MICALL1: variants seen among roughly 807,000 people sequenced by gnomAD.
The protein encoded by MICALL1 is MICAL-like protein 1.
In MICALL1, 61 loss-of-function variants were observed where a neutral mutation model predicts 83.7. The observed-to-expected ratio is 0.73, with a 90% CI of 0.59 to 0.90. The LOEUF is 0.90. MICALL1 is among the 40% of genes least tolerant of loss of function. The pLI, the probability that MICALL1 is intolerant of heterozygous loss-of-function variation, is 0.00. For missense variants in MICALL1, 1,066 were observed against 1,152.0 expected (o/e 0.93, Z 1.08); for synonymous variants, 481 against 473.6 (o/e 1.02, Z -0.20).
rs1316303959 is a variant in MICALL1 at position 37,919,064 on chromosome 22, C to T, written c.455C>T (p.Ser152Leu). The T allele has an allele frequency of 6.4e-7, 1 of 1,552,190 alleles. No homozygotes were observed. Among genetic ancestry groups the T allele is most frequent in the Non-Finnish European group, 8.7e-7 (1 of 1,147,574 alleles). ...QGEELSSGSL[S>L]EQGTGQTPSS... ...GAGGAGCTCTCCTCAGGCAGCCTGT[C>T]AGAGCAGGGCACCGGCCAGACCCCC... Residue 152 changes from serine (S) to leucine (L), a missense_variant, in exon 5 of 16, where the codon TCA (serine) becomes TTA (leucine). By Grantham distance (145) the Ser-to-Leu change is moderately radical. Coordinates refer to ENST00000215957, the MANE Select transcript of MICALL1 (RefSeq NM_033386.4).
chr22:37,928,799 CTGA>C (rs1481060101), intron 9 of MICALL1, among the ~76,000 whole-genome samples: 1 of 152,188 alleles, frequency 6.6e-6, no homozygotes, highest in East Asian at 1.9e-4. Flanking sequence ...TCAGGCTCTA[CTGA>C]TGCCAGACCC....
In MICALL1 at chr22:37,912,377, G is replaced by A. The variant is rs749867805; in HGVS notation, c.222G>A (p.Leu74=). 2 of 1,613,290 alleles carry A rather than the reference G, an allele frequency of 1.2e-6. No homozygotes were observed. The highest frequency in any genetic ancestry group is 1.7e-6 in the Non-Finnish European group (2 of 1,179,382). ...CCTTTGAAGTGGCTGAGAAGGAGCT[G>A]GGGATCCCCGCTCTCCTGGACCCCA... The part of the protein sequence containing the change: ...RLAFEVAEKE[L]GIPALLDPND... Residue 74 remains leucine (L), a synonymous_variant, in exon 3 of 16, where the codon CTG becomes CTA. Coordinates refer to ENST00000215957, the MANE Select transcript of MICALL1 (RefSeq NM_033386.4).
In MICALL1 at chr22:37,922,408, A is replaced by G. The variant is rs963198040; in HGVS notation, c.1006A>G (p.Ser336Gly). The change falls in exon 6 of 16, where the codon AGC becomes GGC. Residue 336 changes from serine to glycine, a missense_variant. Ser to Gly is a moderately conservative substitution (Grantham distance 56). Coordinates refer to ENST00000215957, the MANE Select transcript of MICALL1 (RefSeq NM_033386.4). ...QQENLVEQAG[S>G]SSLVNGRLHE... The stretch of plus-strand genomic sequence containing the variant: ...GGAGAACCTGGTGGAGCAGGCTGGC[A>G]GCAGCAGCCTGGTGAACGGTGAGCA... The G allele has an allele frequency of 5.2e-6, 8 of 1,531,304 alleles. No individual in the cohort carries two copies. In the African/African-American group the frequency reaches 5.5e-5, roughly 11 times the overall value. The allele number at this position is 1,531,304 out of a possible 1,614,324, so 94.9% of individuals were successfully genotyped here.
intron 5 of MICALL1, among the ~76,000 whole-genome samples, chr22:37,920,017 G>A (rs1048057009): frequency 3.3e-5 from 5 of 151,908 alleles, no homozygotes; most frequent in African/African-American, 1.2e-4. Flanking sequence ...TTTTAAGATG[G>A]GTCTACTATG....
rs527796229 is a variant in MICALL1, at chr22:37,906,814, C to T, written c.146+246C>T. 13 of 196,922 alleles carry T rather than the reference C, an allele frequency of 6.6e-5. No homozygotes were observed. The South Asian group carries it at 2.5e-3, about 37-fold the overall frequency. 12.2% of individuals were successfully genotyped at this position (196,922 alleles called of 1,614,324 possible). On this transcript the variant is annotated intron_variant, in intron 1 of 15. Coordinates refer to ENST00000215957, the MANE Select transcript of MICALL1 (RefSeq NM_033386.4). The surrounding 1 kb of genome is among the most constrained non-coding windows in gnomAD (Gnocchi z 4.4). ...GAACTCTCCCCCGAGGCTGGTCCCT[C>T]CGCGGGGACACTGGCCCCGCCCACA...
In MICALL1 at chr22:37,926,009, C is replaced by G; in HGVS notation, c.1431C>G (p.Arg477=). 6.2e-7 allele frequency: 1 copy of G among 1,612,674 alleles called. No homozygotes were observed. Among genetic ancestry groups the G allele is most frequent in the Non-Finnish European group, 8.5e-7 (1 of 1,179,426 alleles). ...CCAGCAGCCCCAAGACAAAGAAGCGCCCTGCCCCGCGCGCACCCAGCGCGT... is the reference window on the plus strand; with the variant it reads ...CCAGCAGCCCCAAGACAAAGAAGCGGCCTGCCCCGCGCGCACCCAGCGCGT... ...TPTSSPKTKK[R]PAPRAPSASP... is the part of the protein sequence containing the mutation. Residue 477 remains arginine (R), a synonymous_variant, in exon 8 of 16, where the codon CGC becomes CGG. Transcript: ENST00000215957.
chr22:37,911,829 T>TG (rs1928340023), intron 1 of MICALL1, 123 bp from the exon 2 acceptor site: 2 of 925,420 alleles, frequency 2.2e-6, no homozygotes, highest in Admixed American at 3.5e-5. Flanking sequence ...CCAGCAACCC[T>TG]GCTGAGGTTG....
chr22:37,927,850 A>G (rs771652145), intron 9 of MICALL1, 24 bp downstream of exon 9: 4 of 1,576,500 alleles, frequency 2.5e-6, no homozygotes, highest in Non-Finnish European at 2.6e-6. Flanking sequence ...CACCCTCACT[A>G]AAAGTGACAT....
At chr22:37,918,667 T>TC (rs1928825703) in intron 4 of MICALL1, among the ~76,000 whole-genome samples, 1 of 151,706 alleles carries the variant, frequency 6.6e-6, no homozygotes, top group Admixed American at 6.6e-5. Flanking sequence ...TCAGGGGGGC[T>TC]CCCCCGCAAA....
At chr22:37,916,840 C>T (rs1928706723) in intron 3 of MICALL1, among the ~76,000 whole-genome samples, 1 of 152,110 alleles carries the variant, frequency 6.6e-6, no homozygotes, top group Non-Finnish European at 1.5e-5. Flanking sequence ...TGGAGCCACT[C>T]CTGGCACCAA....
In MICALL1 at chr22:37,911,905, C is replaced by T. The variant is rs1352823954; in HGVS notation, c.147-47C>T. On this transcript the variant is annotated intron_variant, in intron 1 of 15. Coordinates refer to ENST00000215957, the MANE Select transcript of MICALL1 (RefSeq NM_033386.4). ...TGACTCTGACCCCGCCCCTATTTCC[C>T]AGTCACCTCCCCTCTTGACCAACCC... is the stretch of plus-strand genomic sequence containing the variant. The T allele has an allele frequency of 6.9e-6, 11 of 1,601,668 alleles. No individual in the cohort carries two copies. The Admixed American group carries it at 1.2e-4, about 17-fold the overall frequency.
intron 1 of MICALL1, among the ~76,000 whole-genome samples, chr22:37,908,929 T>C (rs1210718541): frequency 6.6e-6 from 1 of 152,130 alleles, no homozygotes; most frequent in Admixed American, 6.5e-5. Context: ...AGCTGGAGGC[T>C]GTGTAGCTGA....
intron 8 of MICALL1, 148 bp from the exon 9 acceptor site, chr22:37,927,263 C>A: frequency 1.1e-6 from 1 of 937,632 alleles, no homozygotes; most frequent in Non-Finnish European, 1.5e-6. Flanking sequence ...CGGGCGTTTG[C>A]TGTTCCCTGG....
Position 37,917,727 on chromosome 22 carries a change from A to C in MICALL1, c.358A>C (p.Lys120Gln), listed in dbSNP as rs148317548. Residue 120 changes from lysine (K) to glutamine (Q), a missense_variant, in exon 4 of 16, where the codon AAG becomes CAG. Lys to Gln is a moderately conservative substitution (Grantham distance 53, BLOSUM62 1). Coordinates refer to ENST00000215957, the MANE Select transcript of MICALL1 (RefSeq NM_033386.4). Reference sequence around the variant, plus strand: ...GGCAGCTGGTGTCTCGCCACCCAGAAAGGGCCTTGCACCCTGTTCCCCGCC... The same window carrying C: ...GGCAGCTGGTGTCTCGCCACCCAGACAGGGCCTTGCACCCTGTTCCCCGCC... ...PGQAGVSPPR[K>Q]GLAPCSPPSV... The C allele has an allele frequency of 3.7e-6, 6 of 1,613,632 alleles. No individual in the cohort carries two copies. In the African/African-American group the frequency reaches 8.0e-5, roughly 22 times the overall value.
At chr22:37,919,229 G>A (rs1407108134) in intron 5 of MICALL1, 51 bp downstream of exon 5, 32 of 1,466,416 alleles carry the variant, frequency 2.2e-5, no homozygotes, top group Middle Eastern at 4.7e-4. Flanking sequence ...GGGGGCTACC[G>A]TGGGTTCAGC....
At chr22:37,925,570 C>T in intron 7 of MICALL1, 91 bp from the exon 8 acceptor site, 1 of 809,792 alleles carries the variant, frequency 1.2e-6, no homozygotes, top group Non-Finnish European at 2.0e-6. Context: ...CTCATCCACC[C>T]CCTTTGAAGT....
Position 37,940,778 on chromosome 22 carries a change from T to C in MICALL1, c.2540T>C (p.Leu847Pro). 1 of 1,614,112 alleles carries C rather than the reference T, an allele frequency of 6.2e-7. No homozygotes were observed. The highest frequency in any genetic ancestry group is 8.5e-7 in the Non-Finnish European group (1 of 1,179,982). Residue 847 changes from leucine (L) to proline (P), a missense_variant, in exon 16 of 16, where the codon CTG becomes CCG. Coordinates refer to ENST00000215957, the MANE Select transcript of MICALL1 (RefSeq NM_033386.4). ...TTCAAGACCATGAAGATGTTGAAAC[T>C]GCTAGGAAACAAACGTGATGCCAAG... ...GKFKTMKMLK[L>P]LGNKRDAKSK...
chr22:37,932,976 C>T lies in MICALL1; in HGVS notation c.2235-63C>T, dbSNP rs533751292. 16 of 1,611,176 alleles carry T rather than the reference C, an allele frequency of 9.9e-6. No homozygotes were observed. Among genetic ancestry groups the T allele is most frequent in the South Asian group, 3.3e-5 (3 of 91,014 alleles). ...TACCCTCTTCCCTCATCAGTAACAG[C>T]GCAGGGCAGGGCAGCCGGGGCTCGG... On this transcript the variant is annotated intron_variant, in intron 12 of 15. Transcript: ENST00000215957. The surrounding 1 kb of genome is among the most constrained non-coding windows in gnomAD (Gnocchi z 4.4).
intron 15 of MICALL1, among the ~76,000 whole-genome samples, chr22:37,938,724 C>A (rs1930275956): frequency 6.6e-6 from 1 of 151,328 alleles, no homozygotes. Context: ...CAAGTTCAAG[C>A]AATTCTGCTT....
Sources: gnomAD v4.1 joint callset for allele counts (sites outside exome capture counted in the v4.1 genomes callset) on GRCh38, gnomAD v4.1.1 for gene constraint, Gnocchi (gnomAD v3.1) non-coding constraint, MANE v1.5 for transcripts, NCBI Gene and HGNC (gene_info 2026-07-23, HGNC 2026-07-21) for gene names.